The following MKNK2 variants were observed in gnomAD, a reference collection of about 807,000 sequenced individuals.
MKNK2 encodes MAPK interacting serine/threonine kinase 2, also known as MAP kinase-interacting serine/threonine-protein kinase 2.
MKNK2 carries 54 observed loss-of-function variants against 55.0 expected under a neutral mutation model. The ratio of observed to expected loss-of-function variants is 0.98; its 90% CI spans 0.79 to 1.23. MKNK2 has a LOEUF of 1.23. Ranked by LOEUF, MKNK2 falls within the 50% of genes most tolerant of loss-of-function variation. MKNK2 has a pLI of 0.00. For synonymous variants in MKNK2, 323 were observed against 256.0 expected, an observed-to-expected ratio of 1.26 and a Z score of -2.50; for missense variants, 685 against 632.1, an observed-to-expected ratio of 1.08 and a Z score of -0.90.
At chr19:2,050,335 T>A (rs1305953819) in intron 2 of MKNK2, among the ~76,000 whole-genome samples, 2 of 152,004 alleles carry the variant, frequency 1.3e-5, no homozygotes, top group Non-Finnish European at 2.9e-5. Flanking sequence ...TGAAAGAAAG[T>A]CCCCAGAAGC....
Position 2,037,553 on chromosome 19 carries a change from T to C in MKNK2, c.*2060A>G. The C allele has an allele frequency of 4.7e-6, 2 of 427,560 alleles. No individual in the cohort carries two copies. Among genetic ancestry groups the C allele is most frequent in the Non-Finnish European group, 8.3e-6 (2 of 242,206 alleles). 26.5% of individuals were successfully genotyped at this position (427,560 alleles called of 1,614,324 possible). Reference sequence around the variant, plus strand: ...GACAGTTGGTGTAAAGGAAAACTTCTGAGCTCCGTCAGTTCACCTGGTACA... The same window carrying C: ...GACAGTTGGTGTAAAGGAAAACTTCCGAGCTCCGTCAGTTCACCTGGTACA... On this transcript the variant is annotated 3_prime_UTR_variant, in exon 14 of 14. Coordinates refer to ENST00000250896, the MANE Select transcript of MKNK2 (RefSeq NM_199054.3).
Position 2,037,849 on chromosome 19 carries a change from AACAAAC to A in MKNK2, c.*1758_*1763del, listed in dbSNP as rs1568233275. ...TCCCACCTTCAGAAAAAAAAAAAAA[AACAAAC>A]AAACAAACGCTGCTAGCCACTCAGC... On this transcript the variant is annotated 3_prime_UTR_variant, in exon 14 of 14. Transcript: ENST00000250896. The A allele has an allele frequency of 3.2e-6, 5 of 1,552,994 alleles. No individual in the cohort carries two copies. The highest frequency in any genetic ancestry group is 4.4e-6 in the Non-Finnish European group (5 of 1,147,110).
At chr19:2,040,323 G>A (rs1050668250) in intron 12 of MKNK2, 146 bp from the exon 13 acceptor site, 1 of 688,668 alleles carries the variant, frequency 1.5e-6, no homozygotes, top group South Asian at 2.0e-5. Context: ...TGCCCCGGGA[G>A]CCAAGCGCCC....
chr19:2,050,967 A>C lies in MKNK2; in HGVS notation c.-96-20T>G. The C allele has an allele frequency of 4.8e-6, 3 of 624,928 alleles. No individual in the cohort carries two copies. Among genetic ancestry groups the C allele is most frequent in the Non-Finnish European group, 2.5e-6 (1 of 401,192 alleles). The allele number at this position is 624,928 out of a possible 1,614,324, so 38.7% of individuals were successfully genotyped here. A position where few individuals can be genotyped will look rare whatever the true frequency, so the allele number is the denominator to read the frequency against. On this transcript the variant is annotated intron_variant, in intron 1 of 13. Coordinates refer to ENST00000250896, the MANE Select transcript of MKNK2 (RefSeq NM_199054.3). The stretch of plus-strand genomic sequence containing the variant: ...GGGACCCTGCGGGCGGGAGCAGACA[A>C]AGGGAGGGCGGTGAGCGGAGCCCGG...
At chr19:2,049,698 G>A (rs1401689660) in intron 2 of MKNK2, among the ~76,000 whole-genome samples, 2 of 152,196 alleles carry the variant, frequency 1.3e-5, no homozygotes, top group Admixed American at 6.5e-5. Flanking sequence ...CCCTAGGAGG[G>A]AGAAGACCAC....
chr19:2,041,733 C>G (rs2016887675), intron 11 of MKNK2, 107 bp downstream of exon 11: 1 of 959,060 alleles, frequency 1.0e-6, no homozygotes, highest in South Asian at 1.8e-5. Flanking sequence ...GGCAGGTCCC[C>G]TGGACTTAGA....
intron 6 of MKNK2, 73 bp downstream of exon 6, chr19:2,043,430 G>A (rs563304139): frequency 1.4e-6 from 2 of 1,393,334 alleles, no homozygotes; most frequent in Admixed American, 1.7e-5. Flanking sequence ...TGCTGGGGGT[G>A]ATGTGGCACT....
chr19:2,047,355 C>T (rs770639812), intron 2 of MKNK2, among the ~76,000 whole-genome samples: 1 of 152,142 alleles, frequency 6.6e-6, no homozygotes. Context: ...TCCACAGGGC[C>T]GTGGGGAAGA....
rs367878266 is a variant in MKNK2, at chr19:2,046,436, C to T, written c.172G>A (p.Asp58Asn). 3.1e-6 allele frequency: 5 copies of T among 1,609,338 alleles called. No individual in the cohort carries two copies. In the African/African-American group the frequency reaches 6.7e-5, roughly 21 times the overall value. The part of the protein sequence containing the change: ...MPASQPIDIP[D>N]AKKRGKKKKR... ...TTCTTCTTGCCCCTCTTCTTGGCGTCCGGGATGTCAATGGGCTGGCTGGCG... is the reference window on the plus strand; with the variant it reads ...TTCTTCTTGCCCCTCTTCTTGGCGTTCGGGATGTCAATGGGCTGGCTGGCG... The change falls in exon 4 of 14, where the codon GAC becomes AAC. Residue 58 changes from aspartate (D) to asparagine (N), a missense_variant. By Grantham distance (23) the Asp-to-Asn change is conservative. Coordinates refer to ENST00000250896, the MANE Select transcript of MKNK2 (RefSeq NM_199054.3).
In MKNK2 at chr19:2,039,453, G is replaced by C; in HGVS notation, c.*160C>G. 1 of 1,401,232 alleles carries C rather than the reference G, an allele frequency of 7.1e-7. No individual in the cohort carries two copies. Among genetic ancestry groups the C allele is most frequent in the Non-Finnish European group, 9.3e-7 (1 of 1,078,926 alleles). The allele number at this position is 1,401,232 out of a possible 1,614,324, so 86.8% of individuals were successfully genotyped here. ...GAAACAGGAAAAAAAAAACCCAAAAGCAAAAACCTTCTATAAAACACCCCC... is the reference window on the plus strand; with the variant it reads ...GAAACAGGAAAAAAAAAACCCAAAACCAAAAACCTTCTATAAAACACCCCC... On this transcript the variant is annotated 3_prime_UTR_variant, in exon 14 of 14. Transcript: ENST00000250896.
In MKNK2 at chr19:2,043,490, G is replaced by A. The variant is rs2016936561; in HGVS notation, c.419+13C>T. The stretch of plus-strand genomic sequence containing the variant: ...AGCTCAGGCCAGTGCGGTGGCAAGG[G>A]TGGCTCACCTACCTGTGTCCCTGGC... On this transcript the variant is annotated intron_variant, in intron 6 of 13. Coordinates refer to ENST00000250896, the MANE Select transcript of MKNK2 (RefSeq NM_199054.3). 1.2e-6 allele frequency: 2 copies of A among 1,612,548 alleles called. No individual in the cohort carries two copies. The highest frequency in any genetic ancestry group is 1.7e-6 in the Non-Finnish European group (2 of 1,178,746).
rs369858557 is a variant in MKNK2 at position 2,038,348 on chromosome 19, G to A, written c.*1265C>T. On this transcript the variant is annotated 3_prime_UTR_variant, in exon 14 of 14. Transcript: ENST00000250896. ...GCCCCAGCTGTGGAGCTCGGGGGCT[G>A]CGCCGGGAAGGGCGGGCGGTGACCC... is the stretch of plus-strand genomic sequence containing the variant. The A allele has an allele frequency of 1.0e-6, 1 of 986,640 alleles. No homozygotes were observed. The allele number at this position is 986,640 out of a possible 1,614,324, so 61.1% of individuals were successfully genotyped here.
Position 2,041,841 on chromosome 19 carries a change from T to A in MKNK2, c.944A>T (p.Gln315Leu), listed in dbSNP as rs904179749. The change falls in exon 11 of 14, where the codon CAG becomes CTG. Residue 315 changes from glutamine (Q) to leucine (L), a missense_variant and splice_region_variant. Coordinates refer to ENST00000250896, the MANE Select transcript of MKNK2 (RefSeq NM_199054.3). Reference protein sequence around the residue: ...WDRGEACPACQNMLFESIQEG... With the variant: ...WDRGEACPACLNMLFESIQEG... ...AGGAGGGTGCGCGGGCCGCCGCACC[T>A]GGCAGGCAGGGCAGGCCTCGCCGCG... 1 of 1,521,152 alleles carries A rather than the reference T, an allele frequency of 6.6e-7. No individual in the cohort carries two copies. The highest frequency in any genetic ancestry group is 8.8e-7 in the Non-Finnish European group (1 of 1,134,292). 94.2% of individuals were successfully genotyped at this position (1,521,152 alleles called of 1,614,324 possible). A position where few individuals can be genotyped will look rare whatever the true frequency, so the allele number is the denominator to read the frequency against.
chr19:2,044,666 A>G (rs2016960785), intron 5 of MKNK2, among the ~76,000 whole-genome samples: 1 of 152,196 alleles, frequency 6.6e-6, no homozygotes, highest in South Asian at 2.1e-4. Flanking sequence ...CCATGTCTAT[A>G]CTGACAGACA....
At position 2,038,074 on chromosome 19, in the gene MKNK2, G is replaced by A. The variant is rs1410636788; in HGVS notation, c.*1539C>T. The A allele has an allele frequency of 2.9e-5, 34 of 1,180,766 alleles. No homozygotes were observed. The highest frequency in any genetic ancestry group is 3.3e-5 in the Non-Finnish European group (31 of 947,742). The allele number at this position is 1,180,766 out of a possible 1,614,324, so 73.1% of individuals were successfully genotyped here. ...TGGAAGGGGCAGTCCACAGATATGG[G>A]CAGTGGGGACCAGGGAAGGCAGAGC... On this transcript the variant is annotated 3_prime_UTR_variant, in exon 14 of 14. Transcript: ENST00000250896.
chr19:2,042,114 T>C (rs1002405799), intron 10 of MKNK2, 80 bp from the exon 11 acceptor site: 8 of 1,319,968 alleles, frequency 6.1e-6, no homozygotes, highest in Non-Finnish European at 7.9e-6. Flanking sequence ...GCGGGTCACC[T>C]GCGCCAGCCG....
In MKNK2 at chr19:2,038,427, C is replaced by T. The variant is rs1225230241; in HGVS notation, c.*1186G>A. 6 of 985,082 alleles carry T rather than the reference C, an allele frequency of 6.1e-6. No homozygotes were observed. The highest frequency in any genetic ancestry group is 4.7e-5 in the South Asian group (1 of 21,272). 61.0% of individuals were successfully genotyped at this position (985,082 alleles called of 1,614,324 possible). A position where few individuals can be genotyped will look rare whatever the true frequency, so the allele number is the denominator to read the frequency against. ...CTGTATTGCATAGAACGTCCCCACC[C>T]GCGGGGAGGGGGCAGCAGGCTCCGC... On this transcript the variant is annotated 3_prime_UTR_variant, in exon 14 of 14. Transcript: ENST00000250896.
At chr19:2,043,007 GCCA>G in intron 7 of MKNK2, 114 bp downstream of exon 7, 3 of 1,291,302 alleles carry the variant, frequency 2.3e-6, no homozygotes, top group Non-Finnish European at 3.3e-6. Context: ...TCACCCCTGA[GCCA>G]CCATTTGGGC....
At position 2,046,824 on chromosome 19, in the gene MKNK2, G is replaced by A. The variant is rs1026155314; in HGVS notation, c.52-133C>T. ...TGAGCATTACGGAAAAATCAACTCC[G>A]TCCCCGCTCACACACCAGGATCAAC... On this transcript the variant is annotated intron_variant, in intron 2 of 13. Transcript: ENST00000250896. 59 of 649,064 alleles carry A rather than the reference G, an allele frequency of 9.1e-5. No individual in the cohort carries two copies. The South Asian group carries it at 1.4e-3, about 16-fold the overall frequency. The allele number at this position is 649,064 out of a possible 1,614,324, so 40.2% of individuals were successfully genotyped here.
Sources: gnomAD v4.1 joint callset for allele counts (sites outside exome capture counted in the v4.1 genomes callset) on GRCh38, gnomAD v4.1.1 for gene constraint, MANE v1.5 for transcripts, NCBI Gene and HGNC (gene_info 2026-07-23, HGNC 2026-07-21) for gene names.